MOB1B: variants seen among roughly 807,000 people sequenced by gnomAD.
The protein encoded by MOB1B is MOB1 Mps One Binder homolog B.
In MOB1B, 19 loss-of-function variants were observed where a neutral mutation model predicts 24.4. The observed-to-expected ratio is 0.78, with a 90% CI of 0.54 to 1.14. The LOEUF is 1.14. Ranked by LOEUF, MOB1B falls within the 50% of genes most tolerant of loss-of-function variation. The probability of loss-of-function intolerance (pLI) is 0.00; values close to 1 mark genes in which losing one functional copy is unlikely to be tolerated. For synonymous variants in MOB1B, 76 were observed against 82.1 expected (o/e 0.93, Z 0.40); for missense variants, 243 against 259.6 (o/e 0.94, Z 0.44).
chr4:70,948,170 A>G (rs371276833), intron 1 of MOB1B, among the ~76,000 whole-genome samples: 1 of 152,148 alleles, frequency 6.6e-6, no homozygotes, highest in African/African-American at 2.4e-5. Flanking sequence ...GTAGTAGAGA[A>G]CTACCACTTG....
chr4:70,965,569 G>A (rs1341167924), intron 2 of MOB1B, among the ~76,000 whole-genome samples: 5 of 150,850 alleles, frequency 3.3e-5, no homozygotes, highest in Non-Finnish European at 4.4e-5. Flanking sequence ...AGGCTGAGGC[G>A]GGTGGATCAC....
At chr4:70,902,119 G>C (rs531823015), upstream of MOB1B, among the ~76,000 whole-genome samples, 15 of 152,324 alleles carry the variant, frequency 9.8e-5, no homozygotes, top group South Asian at 2.9e-3. Flanking sequence ...GGGTGGACAG[G>C]GGGGCCGGGC....
At chr4:70,978,927 T>TA (rs1228345158) in intron 4 of MOB1B, among the ~76,000 whole-genome samples, 1 of 152,192 alleles carries the variant, frequency 6.6e-6, no homozygotes, top group Non-Finnish European at 1.5e-5. Context: ...GACTAATTCT[T>TA]ATACCATAAA....
At chr4:70,981,197 G>C (rs2148905394) in intron 5 of MOB1B, among the ~76,000 whole-genome samples, 1 of 152,252 alleles carries the variant, frequency 6.6e-6, no homozygotes, top group South Asian at 2.1e-4. Flanking sequence ...GCTTGGTCCT[G>C]TTATTAAATA....
At chr4:70,945,914 C>T (rs1282651581) in intron 1 of MOB1B, among the ~76,000 whole-genome samples, 1 of 150,878 alleles carries the variant, frequency 6.6e-6, no homozygotes, top group African/African-American at 2.4e-5. Flanking sequence ...GAGAAGTAGG[C>T]GCTACCTGAT....
chr4:70,968,944 G>A (rs1738647911), intron 2 of MOB1B, among the ~76,000 whole-genome samples: 1 of 152,044 alleles, frequency 6.6e-6, no homozygotes, highest in Non-Finnish European at 1.5e-5. Flanking sequence ...TTTTCCCATA[G>A]CAATAACCAG....
chr4:70,958,974 G>C lies in MOB1B; in HGVS notation c.115G>C (p.Gly39Arg). The change falls in exon 2 of 6, where the codon GGC becomes CGC. Residue 39 changes from glycine to arginine, a missense_variant. By Grantham distance (125) the Gly-to-Arg change is moderately radical. Coordinates refer to ENST00000309395, the MANE Select transcript of MOB1B (RefSeq NM_173468.4). ...LKHAEATLGS[G>R]NLRMAVMLPE... is the part of the protein sequence containing the mutation. ...ACACGCAGAAGCCACACTTGGCAGT[G>C]GCAACCTTCGGATGGCTGTCATGCT... is the stretch of plus-strand genomic sequence containing the variant. 1.2e-6 allele frequency: 2 copies of C among 1,614,110 alleles called. No homozygotes were observed. Among genetic ancestry groups the C allele is most frequent in the Non-Finnish European group, 1.7e-6 (2 of 1,180,014 alleles).
At chr4:70,964,907 G>A (rs1347917721) in intron 2 of MOB1B, among the ~76,000 whole-genome samples, 1 of 148,698 alleles carries the variant, frequency 6.7e-6, no homozygotes, top group Non-Finnish European at 1.5e-5. Flanking sequence ...TCCAGCCTAG[G>A]CAACAAGAGT....
At chr4:70,933,166 G>T (rs558909227) in intron 1 of MOB1B, among the ~76,000 whole-genome samples, 83 of 152,122 alleles carry the variant, frequency 5.5e-4, no homozygotes, top group South Asian at 1.4e-3. Context: ...AGAACAAAGG[G>T]GCAAGTGTTA....
At chr4:70,903,680 C>T (rs1397764118) in intron 1 of MOB1B, among the ~76,000 whole-genome samples, 1 of 152,146 alleles carries the variant, frequency 6.6e-6, no homozygotes, top group African/African-American at 2.4e-5. Flanking sequence ...TTAGTCATTA[C>T]ATTGACGTCT....
Position 70,976,254 on chromosome 4 carries a change from T to C in MOB1B, c.409+968T>C, listed in dbSNP as rs532358551. The C allele has an allele frequency of 1.1e-4, 109 of 984,316 alleles. 2 individuals are homozygous for C. In the African/African-American group the frequency reaches 1.7e-3, roughly 15 times the overall value. 61.0% of individuals were successfully genotyped at this position (984,316 alleles called of 1,614,324 possible). A position where few individuals can be genotyped will look rare whatever the true frequency, so the allele number is the denominator to read the frequency against. On this transcript the variant is annotated intron_variant, in intron 4 of 5. Transcript: ENST00000309395. ...CTGGCCCAAAAAACAGAATGGATAT[T>C]GAGTAGATTGCTAATAACATCTGCC...
intron 1 of MOB1B, among the ~76,000 whole-genome samples, chr4:70,916,512 G>A (rs1736201402): frequency 6.6e-6 from 1 of 152,072 alleles, no homozygotes; most frequent in African/African-American, 2.4e-5. Flanking sequence ...AACAAAGAAT[G>A]AGCTAAAGAT....
chr4:70,903,469 A>C (rs1404583955), intron 1 of MOB1B, among the ~76,000 whole-genome samples: 1 of 152,188 alleles, frequency 6.6e-6, no homozygotes, highest in East Asian at 1.9e-4. Context: ...AGGTCCTCTG[A>C]AAACAGGGGT....
chr4:70,915,010 A>G (rs540345849), intron 1 of MOB1B, among the ~76,000 whole-genome samples: 1 of 152,306 alleles, frequency 6.6e-6, no homozygotes, highest in East Asian at 1.9e-4. Flanking sequence ...GGAGGATTAG[A>G]GATACTGAAT....
intron 1 of MOB1B, among the ~76,000 whole-genome samples, chr4:70,922,428 G>A (rs1736473429): frequency 6.6e-6 from 1 of 152,164 alleles, no homozygotes; most frequent in African/African-American, 2.4e-5. Context: ...GTTCGTTCCA[G>A]AAAGGCAGGA....
At chr4:70,966,548 A>G (rs1560660813) in intron 2 of MOB1B, among the ~76,000 whole-genome samples, 1 of 150,988 alleles carries the variant, frequency 6.6e-6, no homozygotes, top group East Asian at 1.9e-4. Context: ...CTAATTTTGT[A>G]TTTTTAGTAG....
intron 1 of MOB1B, among the ~76,000 whole-genome samples, chr4:70,947,263 T>C (rs1476499174): frequency 6.6e-6 from 1 of 152,104 alleles, no homozygotes; most frequent in East Asian, 1.9e-4. Flanking sequence ...GGTCTTCTTA[T>C]TGTTGATTTT....
chr4:70,916,114 C>T (rs972996669), intron 1 of MOB1B, among the ~76,000 whole-genome samples: 2 of 152,092 alleles, frequency 1.3e-5, no homozygotes, highest in African/African-American at 4.8e-5. Flanking sequence ...TCTCTTGGGG[C>T]CTAGTGCATG....
chr4:70,980,488 G>GT (rs1560669244), intron 5 of MOB1B, among the ~76,000 whole-genome samples: 1 of 152,160 alleles, frequency 6.6e-6, no homozygotes, highest in East Asian at 1.9e-4. Flanking sequence ...ATCTGATTCT[G>GT]TTTGTATCTC....
Sources: gnomAD v4.1 joint callset for allele counts (sites outside exome capture counted in the v4.1 genomes callset) on GRCh38, gnomAD v4.1.1 for gene constraint, MANE v1.5 for transcripts, NCBI Gene and HGNC (gene_info 2026-07-23, HGNC 2026-07-21) for gene names.